Variants in CSNK1E observed in about 807,000 individuals in gnomAD.
CSNK1E encodes the protein casein kinase I isoform epsilon.
In CSNK1E, 17 loss-of-function variants were observed where a neutral mutation model predicts 46.1. The ratio of observed to expected loss-of-function variants is 0.37; its 90% CI spans 0.25 to 0.55. The LOEUF (loss-of-function observed/expected upper bound fraction) is 0.55. Ranked by LOEUF, CSNK1E falls within the 20% of genes least tolerant of loss-of-function variation. The pLI is 0.82. For missense variants in CSNK1E, 386 were observed against 595.4 expected (o/e 0.65, Z 3.66); for synonymous variants, 241 against 242.6 (o/e 0.99, Z 0.06).
intron 7 of CSNK1E, chr22:38,295,323 T>A (rs1031649077): frequency 1.8e-5 from 12 of 652,898 alleles, no homozygotes; most frequent in Non-Finnish European, 2.3e-5. Context: ...CCGCCCCTGG[T>A]GCAGGAGGAA....
chr22:38,300,189 T>C lies in CSNK1E; in HGVS notation c.566-124A>G, dbSNP rs765082140. ...TGCCCCCACGTCGGATGTTGCTCACTGCACGCATTTTAAACAGGCACTGCT... is the reference window on the plus strand; with the variant it reads ...TGCCCCCACGTCGGATGTTGCTCACCGCACGCATTTTAAACAGGCACTGCT... On this transcript the variant is annotated intron_variant, in intron 5 of 10. Transcript: ENST00000396832. The surrounding 1 kb of genome is among the most constrained non-coding windows in gnomAD (Gnocchi z 4.4). The C allele has an allele frequency of 2.4e-5, 20 of 840,786 alleles. No homozygotes were observed. Among genetic ancestry groups the C allele is most frequent in the African/African-American group, 5.1e-5 (3 of 58,356 alleles). The allele number at this position is 840,786 out of a possible 1,614,324, so 52.1% of individuals were successfully genotyped here. A position where few individuals can be genotyped will look rare whatever the true frequency, so the allele number is the denominator to read the frequency against.
At chr22:38,293,186 C>G (rs1414045212) in intron 10 of CSNK1E, 69 bp downstream of exon 10, 25 of 1,244,502 alleles carry the variant, frequency 2.0e-5, no homozygotes, top group Non-Finnish European at 2.7e-5. Flanking sequence ...ACACATTGGT[C>G]TCTTTCTGGG....
intron 7 of CSNK1E, chr22:38,295,595 C>T (rs926467932): frequency 9.2e-5 from 14 of 152,618 alleles, no homozygotes. Context: ...GTGGCTAGGA[C>T]CAGAATGATC....
Position 38,300,650 on chromosome 22 carries a change from G to A in CSNK1E, c.565+74C>T, listed in dbSNP as rs2092666515. On this transcript the variant is annotated intron_variant, in intron 5 of 10. Transcript: ENST00000396832. The surrounding 1 kb of genome is among the most constrained non-coding windows in gnomAD (Gnocchi z 4.4). Reference sequence around the variant, plus strand: ...CTGGGGGCCTCCATCAGGGTAGGGGGTGAGAGGGCTCCAGAGAGCTGGGCC... The same window carrying A: ...CTGGGGGCCTCCATCAGGGTAGGGGATGAGAGGGCTCCAGAGAGCTGGGCC... 3 of 1,431,698 alleles carry A rather than the reference G, an allele frequency of 2.1e-6. No homozygotes were observed. The highest frequency in any genetic ancestry group is 2.4e-5 in the South Asian group (2 of 81,942). 88.7% of individuals were successfully genotyped at this position (1,431,698 alleles called of 1,614,324 possible).
chr22:38,299,337 C>T (rs760598781), intron 6 of CSNK1E, among the ~76,000 whole-genome samples: 1 of 152,236 alleles, frequency 6.6e-6, no homozygotes, highest in Non-Finnish European at 1.5e-5. Flanking sequence ...AAGAGGAAAA[C>T]TTCCAATTCC....
chr22:38,296,435 C>T, intron 7 of CSNK1E: 2 of 1,466,496 alleles, frequency 1.4e-6, no homozygotes, highest in African/African-American at 2.8e-5. Flanking sequence ...GGTGTCCTGT[C>T]TACTGTTGGG....
Sources: allele counts gnomAD v4.1 joint callset (sites outside exome capture counted in the v4.1 genomes callset), GRCh38; gene constraint gnomAD v4.1.1; non-coding constraint Gnocchi (gnomAD v3.1); transcripts MANE v1.5; gene names NCBI Gene and HGNC (gene_info 2026-07-23, HGNC 2026-07-21).